Variants in RGS6 observed in about 807,000 individuals in gnomAD.
The protein encoded by RGS6 is regulator of G-protein signaling 6.
In RGS6, 30 loss-of-function variants were observed where a neutral mutation model predicts 78.5. The observed-to-expected ratio is 0.38, with a 90% CI of 0.29 to 0.52. The LOEUF is 0.52. Ranked by LOEUF, RGS6 falls within the 20% of genes least tolerant of loss-of-function variation. RGS6 has a pLI of 0.85. For missense variants in RGS6, 495 were observed against 609.7 expected (o/e 0.81, Z 1.98); for synonymous variants, 206 against 206.0 (o/e 1.00, Z 0.00).
chr14:71,998,607 G>C (rs2082815964), intron 2 of RGS6, among the ~76,000 whole-genome samples: 1 of 152,192 alleles, frequency 6.6e-6, no homozygotes, highest in African/African-American at 2.4e-5. Context: ...CTTGATAGCA[G>C]TGAACAGTCA....
chr14:72,138,305 A>G (rs2096480614), intron 2 of RGS6, among the ~76,000 whole-genome samples: 1 of 151,962 alleles, frequency 6.6e-6, no homozygotes, highest in Admixed American at 6.6e-5. Context: ...GAAGTTTGAC[A>G]CCTCTCCAGC....
intron 2 of RGS6, among the ~76,000 whole-genome samples, chr14:72,205,285 A>G (rs942811530): frequency 6.6e-6 from 1 of 151,944 alleles, no homozygotes; most frequent in Non-Finnish European, 1.5e-5. Flanking sequence ...TCTTTCTTCC[A>G]TGCACATTCC....
chr14:72,610,632 C>A, the RGS6 span, among the ~76,000 whole-genome samples: 1 of 152,190 alleles, frequency 6.6e-6, no homozygotes, highest in Non-Finnish European at 1.5e-5. Context: ...GTGAATCGAC[C>A]GTGTGACGTA....
chr14:72,424,017 G>A lies in RGS6; in HGVS notation c.185-30511G>A, dbSNP rs185566596. On this transcript the variant is annotated intron_variant, in intron 3 of 17. Coordinates refer to ENST00000553525, the MANE Select transcript of RGS6 (RefSeq NM_001204424.2). Reference sequence around the variant, plus strand: ...CTCTCCACATGTAGCTTCCAGTCTCGTGGTGGCATTTCCTCAGAGGATGAA... The same window carrying A: ...CTCTCCACATGTAGCTTCCAGTCTCATGGTGGCATTTCCTCAGAGGATGAA... Among the ~76,000 whole-genome samples, 113 of 152,282 alleles carry A rather than the reference G, an allele frequency of 7.4e-4. 2 individuals carry two copies. Among genetic ancestry groups the A allele is most frequent in the Admixed American group, 6.4e-3 (98 of 15,300 alleles).
At chr14:72,602,211 C>A in the RGS6 span, among the ~76,000 whole-genome samples, 2 of 152,202 alleles carry the variant, frequency 1.3e-5, no homozygotes, top group African/African-American at 4.8e-5. Flanking sequence ...GTTCTGCCAC[C>A]TAAGTTTCTT....
rs192087986 is a variant in RGS6 at position 72,099,381 on chromosome 14, G to A, written c.84+134506G>A. Among the ~76,000 whole-genome samples the A allele has an allele frequency of 3.3e-5, 5 of 152,112 alleles. No homozygotes were observed. In the East Asian group the frequency reaches 7.8e-4, roughly 24 times the overall value. The stretch of plus-strand genomic sequence containing the variant: ...TCACCGTGTTAGCCAGGATGGTCTC[G>A]ACCTCCTGACCTGGTGATCTGCCTG... On this transcript the variant is annotated intron_variant, in intron 2 of 17. Coordinates refer to ENST00000553525, the MANE Select transcript of RGS6 (RefSeq NM_001204424.2).
chr14:71,996,995 A>G (rs911031758), intron 2 of RGS6, among the ~76,000 whole-genome samples: 11 of 152,166 alleles, frequency 7.2e-5, no homozygotes, highest in African/African-American at 2.7e-4. Flanking sequence ...GAGGTTTGAT[A>G]TGCATGATCC....
At chr14:72,224,174 G>T (rs12147238) in intron 2 of RGS6, among the ~76,000 whole-genome samples, 10,221 of 152,194 alleles carry the variant, frequency 0.067, 508 homozygotes, top group East Asian at 0.32. Context: ...ATCCCAACAC[G>T]TTGGGAGGCC....
intron 1 of RGS6, among the ~76,000 whole-genome samples, chr14:71,957,865 A>G (rs1344200371): frequency 1.3e-5 from 2 of 152,048 alleles, no homozygotes; most frequent in African/African-American, 4.8e-5. Context: ...TCCTGGGCTC[A>G]AGTGATCCTC....
At chr14:71,884,337 C>T in the RGS6 span, among the ~76,000 whole-genome samples, 6 of 152,176 alleles carry the variant, frequency 3.9e-5, no homozygotes, top group Non-Finnish European at 7.3e-5. Flanking sequence ...AATCCTTACA[C>T]GAAGAGGTAA....
At chr14:72,142,990 G>T (rs1190943620) in intron 2 of RGS6, among the ~76,000 whole-genome samples, 1 of 152,098 alleles carries the variant, frequency 6.6e-6, no homozygotes, top group African/African-American at 2.4e-5. Flanking sequence ...GATATCAGTG[G>T]CCATTGTGCA....
At chr14:71,919,300 G>A in the RGS6 span, among the ~76,000 whole-genome samples, 2 of 152,124 alleles carry the variant, frequency 1.3e-5, no homozygotes, top group Admixed American at 1.3e-4. Flanking sequence ...CTTTACAACA[G>A]CCTTCCTCTA....
chr14:72,331,220 T>C (rs1162384595), intron 2 of RGS6, among the ~76,000 whole-genome samples: 1 of 142,598 alleles, frequency 7.0e-6, no homozygotes, highest in Admixed American at 7.2e-5. Flanking sequence ...TAAATCATCA[T>C]CACCGAGCTT....
At chr14:72,557,729 A>G (rs2097602068) in intron 17 of RGS6, among the ~76,000 whole-genome samples, 1 of 152,168 alleles carries the variant, frequency 6.6e-6, no homozygotes, top group African/African-American at 2.4e-5. Context: ...ACGAAACACG[A>G]TTTTTCATGA....
At chr14:72,553,812 C>T (rs560570312) in intron 17 of RGS6, among the ~76,000 whole-genome samples, 8 of 152,280 alleles carry the variant, frequency 5.3e-5, no homozygotes, top group African/African-American at 1.9e-4. Flanking sequence ...GGCCCTGGGC[C>T]AAATCCTGCA....
chr14:72,220,133 T>G (rs149285124), intron 2 of RGS6, among the ~76,000 whole-genome samples: 9 of 152,256 alleles, frequency 5.9e-5, no homozygotes, highest in African/African-American at 2.2e-4. Flanking sequence ...CCATTCATAA[T>G]CGCTACAAAA....
chr14:72,433,338 G>T (rs972932256), intron 3 of RGS6, among the ~76,000 whole-genome samples: 2 of 151,476 alleles, frequency 1.3e-5, no homozygotes, highest in African/African-American at 4.9e-5. Flanking sequence ...CCTGTCGGGG[G>T]TTGGGGTATG....
intron 13 of RGS6, among the ~76,000 whole-genome samples, chr14:72,500,440 A>C: frequency 6.6e-6 from 1 of 152,246 alleles, no homozygotes; most frequent in East Asian, 1.9e-4. Context: ...TTCTGTCCAC[A>C]AAACGAAGGC....
intron 3 of RGS6, among the ~76,000 whole-genome samples, chr14:72,415,243 G>A (rs1269195054): frequency 6.6e-6 from 1 of 152,222 alleles, no homozygotes; most frequent in African/African-American, 2.4e-5. Context: ...GCAATGGCGG[G>A]TGCCCCTCCT....
Sources: allele counts gnomAD v4.1 joint callset (sites outside exome capture counted in the v4.1 genomes callset), GRCh38; gene constraint gnomAD v4.1.1; transcripts MANE v1.5; gene names NCBI Gene and HGNC (gene_info 2026-07-23, HGNC 2026-07-21).